Variants in BAIAP3 observed in about 807,000 individuals in gnomAD.
BAIAP3 encodes BAI1 associated protein 3, also known as BAI1-associated protein 3.
BAIAP3 carries 180 observed loss-of-function variants against 149.7 expected under a neutral mutation model. The ratio of observed to expected loss-of-function variants is 1.20; its 90% CI spans 1.07 to 1.36. BAIAP3 has a LOEUF of 1.36. Ranked by LOEUF, BAIAP3 falls within the 40% of genes most tolerant of loss-of-function variation. The pLI is 0.00. For missense variants in BAIAP3, 1,767 were observed against 1,563.4 expected (o/e 1.13, Z -2.20); for synonymous variants, 845 against 670.7 (o/e 1.26, Z -4.02).
chr16:1,348,357 C>A, intron 33 of BAIAP3, 22 bp from the exon 34 acceptor site: 6 of 1,610,358 alleles, frequency 3.7e-6, no homozygotes, highest in Non-Finnish European at 4.2e-6. Context: ...GGCCCCCACA[C>A]ACCTGCCCGC....
At chr16:1,336,021 C>A (rs1447514100) in intron 1 of BAIAP3, among the ~76,000 whole-genome samples, 1 of 152,192 alleles carries the variant, frequency 6.6e-6, no homozygotes, top group African/African-American at 2.4e-5. Context: ...TACCGAGCCC[C>A]CTTTTTCTGC....
Position 1,346,304 on chromosome 16 carries a change from C to T in BAIAP3, c.2436C>T (p.Ala812=), listed in dbSNP as rs1410112573. The change falls in exon 25 of 34, where the codon GCC becomes GCT. Residue 812 remains alanine (A), a synonymous_variant. Coordinates refer to ENST00000426824, the MANE Select transcript of BAIAP3 (RefSeq NM_001199097.2). The part of the protein sequence containing the change: ...LPRPLLSCTQ[A]LDDDLQREAH... Reference sequence around the variant, plus strand: ...GCCCTCTGCTCAGCTGCACACAGGCCCTGGACGATGATCTGCAACGGGAGG... The same window carrying T: ...GCCCTCTGCTCAGCTGCACACAGGCTCTGGACGATGATCTGCAACGGGAGG... The T allele has an allele frequency of 6.2e-7, 1 of 1,604,934 alleles. No individual in the cohort carries two copies. The highest frequency in any genetic ancestry group is 8.5e-7 in the Non-Finnish European group (1 of 1,173,974).
chr16:1,344,221 A>C lies in BAIAP3; in HGVS notation c.1512-6A>C. On this transcript the variant is annotated splice_region_variant and splice_polypyrimidine_tract_variant and intron_variant, in intron 16 of 33. Coordinates refer to ENST00000426824, the MANE Select transcript of BAIAP3 (RefSeq NM_001199097.2). ...GGCCCCACGTCAGCGTGCTGCCCCCACCCAGGTGTCTGGGCAAGCTGCAGC... is the reference window on the plus strand; with the variant it reads ...GGCCCCACGTCAGCGTGCTGCCCCCCCCCAGGTGTCTGGGCAAGCTGCAGC... 1 of 1,613,116 alleles carries C rather than the reference A, an allele frequency of 6.2e-7. No homozygotes were observed. The highest frequency in any genetic ancestry group is 1.7e-4 in the Middle Eastern group (1 of 6,058).
rs552939946 is a variant in BAIAP3 at position 1,349,191 on chromosome 16, G to A, written c.*709G>A. On this transcript the variant is annotated 3_prime_UTR_variant, in exon 34 of 34. Transcript: ENST00000426824. ...CCCTTCCAGGCAGAGCCGAGAGTTC[G>A]CCCCAACCCTTCCCCAGGCCCAGTG... The A allele has an allele frequency of 4.5e-5, 25 of 553,304 alleles. No homozygotes were observed. In the East Asian group the frequency reaches 7.0e-4, roughly 15 times the overall value. 34.3% of individuals were successfully genotyped at this position (553,304 alleles called of 1,614,324 possible).
intron 1 of BAIAP3, chr16:1,334,545 T>G: frequency 3.3e-6 from 3 of 911,570 alleles, no homozygotes; most frequent in Non-Finnish European, 5.0e-6. Context: ...CGGGCTCCGG[T>G]CTCCTGCGCT....
At position 1,346,505 on chromosome 16, in the gene BAIAP3, GA is replaced by G. The variant is rs1469631921; in HGVS notation, c.2558del (p.Asp853ValfsTer8). 15 of 1,610,610 alleles carry G rather than the reference GA, an allele frequency of 9.3e-6. No homozygotes were observed. Among genetic ancestry groups the G allele is most frequent in the Non-Finnish European group, 1.3e-5 (15 of 1,178,958 alleles). The part of the protein sequence containing the change: ...ISLSPDSIQN[D>X]EAVAPLMKYL... ...TCTCTCGCCTGACTCCATCCAGAACGATGAGGTGAGTGCCGGGGCGAGGGGC... is the reference window on the plus strand; with the variant it reads ...TCTCTCGCCTGACTCCATCCAGAACGTGAGGTGAGTGCCGGGGCGAGGGGC... On this transcript the variant is annotated frameshift_variant, in exon 26 of 34. Transcript: ENST00000426824. LOFTEE classifies it high-confidence loss of function.
At position 1,333,726 on chromosome 16, in the gene BAIAP3, C is replaced by T. The variant is rs1399565899; in HGVS notation, c.-34C>T. 7 of 151,992 alleles carry T rather than the reference C, an allele frequency of 4.6e-5. No individual in the cohort carries two copies. Among genetic ancestry groups the T allele is most frequent in the Non-Finnish European group, 1.0e-4 (7 of 67,980 alleles). 9.4% of individuals were successfully genotyped at this position (151,992 alleles called of 1,614,324 possible). A position where few individuals can be genotyped will look rare whatever the true frequency, so the allele number is the denominator to read the frequency against. On this transcript the variant is annotated 5_prime_UTR_variant, in exon 1 of 34. Coordinates refer to ENST00000426824, the MANE Select transcript of BAIAP3 (RefSeq NM_001199097.2). Reference sequence around the variant, plus strand: ...TGCCGAGCGCAGCGCCCCAGGAGCCCCCCCATCCCCGCGCCGGCCCACGGT... The same window carrying T: ...TGCCGAGCGCAGCGCCCCAGGAGCCTCCCCATCCCCGCGCCGGCCCACGGT...
At chr16:1,343,902 C>G in intron 15 of BAIAP3, 120 bp from the exon 16 acceptor site, 1 of 1,488,574 alleles carries the variant, frequency 6.7e-7, no homozygotes, top group Non-Finnish European at 9.1e-7. Context: ...GGGTGCTGCT[C>G]AGAGCAGAGC....
At position 1,339,002 on chromosome 16, in the gene BAIAP3, C is replaced by A; in HGVS notation, c.219+13C>A. 6.2e-7 allele frequency: 1 copy of A among 1,612,280 alleles called. No individual in the cohort carries two copies. Among genetic ancestry groups the A allele is most frequent in the Non-Finnish European group, 8.5e-7 (1 of 1,179,580 alleles). On this transcript the variant is annotated intron_variant, in intron 3 of 33. Coordinates refer to ENST00000426824, the MANE Select transcript of BAIAP3 (RefSeq NM_001199097.2). ...GCCGTGCCTCGAGGTAAGGGTGCCA[C>A]CCCCAGGGCCCGATACCACAGCCCA...
chr16:1,339,073 C>T (rs1427277655), intron 3 of BAIAP3, 84 bp downstream of exon 3: 3 of 1,598,744 alleles, frequency 1.9e-6, no homozygotes, highest in Middle Eastern at 1.7e-4. Flanking sequence ...CCTGCCCTCG[C>T]TCCCACCTCC....
chr16:1,347,332 G>C lies in BAIAP3; in HGVS notation c.2786G>C (p.Gly929Ala), dbSNP rs1230045627. Residue 929 changes from glycine (G) to alanine (A), a missense_variant, in exon 29 of 34, where the codon GGT (glycine) becomes GCT (alanine). Gly to Ala is a moderately conservative substitution (Grantham distance 60). Coordinates refer to ENST00000426824, the MANE Select transcript of BAIAP3 (RefSeq NM_001199097.2). Reference sequence around the variant, plus strand: ...AGTTTTTTCCACGCAGAGGGTCAGGGTTTGCCCCTGGAGAGCCTGAGGGAT... The same window carrying C: ...AGTTTTTTCCACGCAGAGGGTCAGGCTTTGCCCCTGGAGAGCCTGAGGGAT... ...LVSFFHAEGQ[G>A]LPLESLRDGS... 6.2e-7 allele frequency: 1 copy of C among 1,613,440 alleles called. No homozygotes were observed. Among genetic ancestry groups the C allele is most frequent in the Non-Finnish European group, 8.5e-7 (1 of 1,179,986 alleles).
At chr16:1,341,249 G>C (rs755743825) in intron 7 of BAIAP3, 45 bp from the exon 8 acceptor site, 18 of 1,606,096 alleles carry the variant, frequency 1.1e-5, no homozygotes, top group East Asian at 8.9e-5. Flanking sequence ...GGCCATGGAG[G>C]GCCAGAGGGC....
In BAIAP3 at chr16:1,342,975, C is replaced by T. The variant is rs561927281; in HGVS notation, c.1224C>T (p.His408=). ...STPAATILCL[H]GAQSNLSPLQ... ...CAGCCGCCACCATCCTCTGCCTGCA[C>T]GGAGCCCAGAGCAACCTGTCACCCT... Residue 408 remains histidine, a synonymous_variant, in exon 14 of 34, where the codon CAC becomes CAT. Coordinates refer to ENST00000426824, the MANE Select transcript of BAIAP3 (RefSeq NM_001199097.2). 31 of 1,611,576 alleles carry T rather than the reference C, an allele frequency of 1.9e-5. 1 individual carries two copies. Among genetic ancestry groups the T allele is most frequent in the African/African-American group, 8.0e-5 (6 of 75,062 alleles).
At chr16:1,336,279 G>A (rs2033449869) in intron 1 of BAIAP3, 1 of 985,326 alleles carries the variant, frequency 1.0e-6, no homozygotes, top group East Asian at 1.1e-4. Context: ...CCAGGCCCCT[G>A]AGGATTTCAC....
intron 1 of BAIAP3, chr16:1,334,761 G>A (rs568832339): frequency 1.3e-6 from 2 of 1,549,708 alleles, no homozygotes; most frequent in African/African-American, 2.7e-5. Context: ...GAGTCGGTGA[G>A]ACCAGGGAGA....
chr16:1,347,839 C>T lies in BAIAP3; in HGVS notation c.3025+18C>T, dbSNP rs377006254. 1.0e-4 allele frequency: 160 copies of T among 1,551,484 alleles called. 1 individual carries two copies. The Middle Eastern group carries it at 6.0e-3, about 58-fold the overall frequency. Reference sequence around the variant, plus strand: ...CGCCAACGGTGAGTTGCAGCGGGGACGGGTCGGGTGGTGGTGGGATGGGGG... The same window carrying T: ...CGCCAACGGTGAGTTGCAGCGGGGATGGGTCGGGTGGTGGTGGGATGGGGG... On this transcript the variant is annotated intron_variant, in intron 31 of 33. Coordinates refer to ENST00000426824, the MANE Select transcript of BAIAP3 (RefSeq NM_001199097.2).
At chr16:1,334,266 C>G (rs931400684) in intron 1 of BAIAP3, among the ~76,000 whole-genome samples, 2 of 152,156 alleles carry the variant, frequency 1.3e-5, no homozygotes, top group Non-Finnish European at 2.9e-5. Context: ...TCCTTCAGCC[C>G]CACTCGGCAA....
chr16:1,348,510 G>A lies in BAIAP3; in HGVS notation c.*28G>A, dbSNP rs371274059. On this transcript the variant is annotated 3_prime_UTR_variant, in exon 34 of 34. Coordinates refer to ENST00000426824, the MANE Select transcript of BAIAP3 (RefSeq NM_001199097.2). ...CCATCAGCTGCCAGCCCCGGCCCTG[G>A]CCCCCACCCCAAGTTCCCTGAAGCA... 1.2e-5 allele frequency: 19 copies of A among 1,578,762 alleles called. No individual in the cohort carries two copies. The highest frequency in any genetic ancestry group is 1.6e-5 in the Non-Finnish European group (19 of 1,162,864).
intron 11 of BAIAP3, 24 bp from the exon 12 acceptor site, chr16:1,342,503 G>T: frequency 6.5e-7 from 1 of 1,544,128 alleles, no homozygotes; most frequent in Non-Finnish European, 8.8e-7. Context: ...AGTCTGGTGG[G>T]CCTGACCCCC....
Sources: allele counts gnomAD v4.1 joint callset (sites outside exome capture counted in the v4.1 genomes callset), GRCh38; gene constraint gnomAD v4.1.1; transcripts MANE v1.5; gene names NCBI Gene and HGNC (gene_info 2026-07-23, HGNC 2026-07-21).